USP35: variants seen among roughly 807,000 people sequenced by gnomAD.
USP35 encodes ubiquitin carboxyl-terminal hydrolase 35.
In USP35, 69 loss-of-function variants were observed where a neutral mutation model predicts 83.8. The observed-to-expected ratio is 0.82, with a 90% CI of 0.68 to 1.01. USP35 has a LOEUF of 1.01. Among genes scored for constraint, USP35 ranks in the 50% least tolerant of loss-of-function variants. USP35 has a pLI of 0.00. For synonymous variants in USP35, 714 were observed against 589.5 expected, an observed-to-expected ratio of 1.21 and a Z score of -3.06; for missense variants, 1,503 against 1,362.5, an observed-to-expected ratio of 1.10 and a Z score of -1.62.
the USP35 span, among the ~76,000 whole-genome samples, chr11:78,232,904 T>C: frequency 1.3e-5 from 2 of 152,214 alleles, no homozygotes; most frequent in South Asian, 2.1e-4. Context: ...TCATATGAGG[T>C]ACCTAATGTA....
chr11:78,213,673 GC>G lies in USP35; in HGVS notation c.2918del (p.Ala973GlyfsTer54), dbSNP rs1463719819. On this transcript the variant is annotated frameshift_variant, in exon 11 of 11. Transcript: ENST00000529308. LOFTEE classifies it high-confidence loss of function. ...GCAGGAGAAGGAGGCCCGGAGCAGGGCGGCCTACATCTCTGCACTCCCCACA... is the reference window on the plus strand; with the variant it reads ...GCAGGAGAAGGAGGCCCGGAGCAGGGGGCCTACATCTCTGCACTCCCCACA... ...QEQEKEARSR[A>X]AYISALPTSP... 2 of 1,506,786 alleles carry G rather than the reference GC, an allele frequency of 1.3e-6. No individual in the cohort carries two copies. The highest frequency in any genetic ancestry group is 2.9e-5 in the African/African-American group (2 of 68,240). The allele number at this position is 1,506,786 out of a possible 1,614,324, so 93.3% of individuals were successfully genotyped here. A position where few individuals can be genotyped will look rare whatever the true frequency, so the allele number is the denominator to read the frequency against.
intron 4 of USP35, 123 bp downstream of exon 4, chr11:78,199,847 G>A (rs1318299985): frequency 2.0e-6 from 3 of 1,467,666 alleles, no homozygotes; most frequent in South Asian, 2.5e-5. Flanking sequence ...TGACCTGGGC[G>A]AATTCACTGC....
chr11:78,192,977 A>G (rs1863047097), intron 1 of USP35, among the ~76,000 whole-genome samples: 2 of 152,024 alleles, frequency 1.3e-5, no homozygotes. Context: ...TGCTTCACAC[A>G]TGATGCCAGT....
At chr11:78,200,574 C>G in intron 5 of USP35, 76 bp from the exon 6 acceptor site, 1 of 1,530,064 alleles carries the variant, frequency 6.5e-7, no homozygotes, top group African/African-American at 1.4e-5. Context: ...GTGTTGCGTG[C>G]TGTCAGCAGG....
chr11:78,196,387 C>T lies in USP35; in HGVS notation c.142C>T (p.Leu48Phe), dbSNP rs774039725. The T allele has an allele frequency of 2.1e-6, 3 of 1,463,360 alleles. No homozygotes were observed. In the African/African-American group the frequency reaches 4.5e-5, roughly 22 times the overall value. 90.6% of individuals were successfully genotyped at this position (1,463,360 alleles called of 1,614,324 possible). A position where few individuals can be genotyped will look rare whatever the true frequency, so the allele number is the denominator to read the frequency against. ...CLALLALGARLYVGGAEELPR... is the reference protein window; with the variant it reads ...CLALLALGARFYVGGAEELPR... ...GGCGCTGCTGGCGCTGGGCGCGCGC[C>T]TCTACGTGGGCGGCGCGGAGGAGCT... Residue 48 changes from leucine to phenylalanine, a missense_variant, in exon 2 of 11, where the codon CTC becomes TTC. Leu to Phe is a conservative substitution (Grantham distance 22). Coordinates refer to ENST00000529308, the MANE Select transcript of USP35 (RefSeq NM_020798.4). The surrounding 1 kb of genome is among the most constrained non-coding windows in gnomAD (Gnocchi z 4.8).
chr11:78,220,244 G>C, the USP35 span: 2 of 1,527,438 alleles, frequency 1.3e-6, no homozygotes, highest in African/African-American at 2.7e-5. Context: ...AGTGTTGAAG[G>C]CACCCTGGCC....
downstream of USP35, chr11:78,216,402 T>C (rs1374440751): frequency 6.6e-6 from 1 of 152,188 alleles, no homozygotes; most frequent in African/African-American, 2.4e-5. Flanking sequence ...ACCAGTTTTT[T>C]CAACTGAGTT....
At chr11:78,197,853 C>A (rs560331239) in intron 2 of USP35, 83 bp from the exon 3 acceptor site, 2 of 1,521,910 alleles carry the variant, frequency 1.3e-6, no homozygotes, top group African/African-American at 2.7e-5. Flanking sequence ...CAGCCCGGTT[C>A]GTTGGCTCCT....
chr11:78,217,234 C>T (rs1864193094), downstream of USP35: 1 of 152,404 alleles, frequency 6.6e-6, no homozygotes, highest in South Asian at 2.1e-4. Flanking sequence ...ACCACTGTCT[C>T]ATGTCCTTGT....
chr11:78,221,539 G>T, the USP35 span: 1 of 487,296 alleles, frequency 2.1e-6, no homozygotes, highest in Admixed American at 3.4e-5. Flanking sequence ...AGAAGGGTTT[G>T]TAGCAGGAGA....
chr11:78,220,454 G>A, the USP35 span: 1 of 1,557,178 alleles, frequency 6.4e-7, no homozygotes, highest in Non-Finnish European at 8.7e-7. Context: ...GCTGTCACGA[G>A]GAGGAAAAAA....
At chr11:78,227,676 T>G in the USP35 span, among the ~76,000 whole-genome samples, 1 of 143,860 alleles carries the variant, frequency 7.0e-6, no homozygotes, top group East Asian at 2.2e-4. Context: ...GCTGCACACC[T>G]GTAGTCCTAG....
At chr11:78,191,226 G>T (rs1455212643) in intron 1 of USP35, among the ~76,000 whole-genome samples, 1 of 152,220 alleles carries the variant, frequency 6.6e-6, no homozygotes, top group Non-Finnish European at 1.5e-5. Context: ...AACTGTGCAG[G>T]AGCAGAGATC....
intron 10 of USP35, among the ~76,000 whole-genome samples, chr11:78,213,093 C>T (rs569441902): frequency 1.4e-4 from 21 of 152,128 alleles, no homozygotes; most frequent in Admixed American, 6.5e-4. Flanking sequence ...GACACCAGAC[C>T]GGGTGTCACC....
At chr11:78,199,809 A>G (rs1187671643) in intron 4 of USP35, 85 bp downstream of exon 4, 1 of 1,595,016 alleles carries the variant, frequency 6.3e-7, no homozygotes, top group Non-Finnish European at 8.6e-7. Context: ...AGGTCAGAGC[A>G]TTGGGCCTAC....
At chr11:78,232,640 C>T in the USP35 span, among the ~76,000 whole-genome samples, 2 of 152,166 alleles carry the variant, frequency 1.3e-5, no homozygotes, top group Admixed American at 6.5e-5. Flanking sequence ...TGAAGGAAGA[C>T]TAGTGGCTAT....
At chr11:78,223,324 C>T in the USP35 span, 5 of 1,143,704 alleles carry the variant, frequency 4.4e-6, no homozygotes, top group African/African-American at 1.6e-5. Context: ...TCACACCTCT[C>T]AAGTCCAGGA....
the USP35 span, chr11:78,220,260 G>A: frequency 6.3e-7 from 1 of 1,597,550 alleles, no homozygotes; most frequent in Non-Finnish European, 8.5e-7. Context: ...TGGCCTCCAT[G>A]ATCTCTGCCT....
chr11:78,193,205 C>A (rs1394487854), intron 1 of USP35, among the ~76,000 whole-genome samples: 2 of 151,760 alleles, frequency 1.3e-5, no homozygotes, highest in Non-Finnish European at 2.9e-5. Flanking sequence ...TTTCTTTTTT[C>A]TTTTTTGAAA....
Sources: gnomAD v4.1 joint callset for allele counts (sites outside exome capture counted in the v4.1 genomes callset) on GRCh38, gnomAD v4.1.1 for gene constraint, Gnocchi (gnomAD v3.1) non-coding constraint, MANE v1.5 for transcripts, NCBI Gene and HGNC (gene_info 2026-07-23, HGNC 2026-07-21) for gene names.